Variants in FNDC11 observed in about 807,000 individuals in gnomAD.
FNDC11 encodes fibronectin type III domain-containing protein 11.
In FNDC11, 15 loss-of-function variants were observed where a neutral mutation model predicts 15.8. The ratio of observed to expected loss-of-function variants is 0.95; its 90% confidence interval spans 0.63 to 1.46. The LOEUF (loss-of-function observed/expected upper bound fraction) is 1.46, where lower values mean the gene tolerates loss of function less well. FNDC11 is among the 40% of genes most tolerant of loss of function. The pLI is 0.00. For missense variants in FNDC11, 416 were observed against 443.4 expected (o/e 0.94, Z 0.55); for synonymous variants, 190 against 203.1 (o/e 0.94, Z 0.55).
Position 63,556,168 on chromosome 20 carries a change from G to A in FNDC11, c.505G>A (p.Val169Ile), listed in dbSNP as rs749910389. The A allele has an allele frequency of 1.1e-4, 175 of 1,596,316 alleles. No homozygotes were observed. The highest frequency in any genetic ancestry group is 4.4e-4 in the Admixed American group (26 of 59,674). The change falls in exon 2 of 2, where the codon GTC becomes ATC. Residue 169 changes from valine to isoleucine, a missense_variant. By Grantham distance (29) the Val-to-Ile change is conservative. Transcript: ENST00000370097. ...GCGGCGGCTGGCGGACGTGTCGGCCGTCATGGACAGCTTCCTGACCATGAT... is the reference window on the plus strand; with the variant it reads ...GCGGCGGCTGGCGGACGTGTCGGCCATCATGGACAGCTTCCTGACCATGAT... ...VERRLADVSA[V>I]MDSFLTMMVP...
chr20:63,554,440 A>G (rs2082788177), intron 1 of FNDC11: 1 of 152,300 alleles, frequency 6.6e-6, no homozygotes, highest in African/African-American at 2.4e-5. Context: ...CGGGTTCACG[A>G]CCAGCCTCTC....
At chr20:63,555,543 A>G in intron 1 of FNDC11, 111 bp from the exon 2 acceptor site, 1 of 1,434,236 alleles carries the variant, frequency 7.0e-7, no homozygotes, top group Non-Finnish European at 9.2e-7. Context: ...GTGCCCCCGA[A>G]GAAGGACAGA....
Position 63,555,952 on chromosome 20 carries a change from A to C in FNDC11, c.289A>C (p.Ser97Arg). 1 of 1,603,070 alleles carries C rather than the reference A, an allele frequency of 6.2e-7. No homozygotes were observed. Among genetic ancestry groups the C allele is most frequent in the South Asian group, 1.1e-5 (1 of 91,080 alleles). Residue 97 changes from serine to arginine, a missense_variant, in exon 2 of 2, where the codon AGC becomes CGC. Ser to Arg is a moderately radical substitution (Grantham distance 110). Transcript: ENST00000370097. ...CGACCAGAACCCGCTGGTGCTGCCTAGCGCCTTGTTCCAGCTCATCGACCC... is the reference window on the plus strand; with the variant it reads ...CGACCAGAACCCGCTGGTGCTGCCTCGCGCCTTGTTCCAGCTCATCGACCC... Reference protein sequence around the residue: ...LGDQNPLVLPSALFQLIDPWK... With the variant: ...LGDQNPLVLPRALFQLIDPWK...
Position 63,556,201 on chromosome 20 carries a change from G to T in FNDC11, c.538G>T (p.Gly180Trp), listed in dbSNP as rs887091048. The change falls in exon 2 of 2, where the codon GGG becomes TGG. Residue 180 changes from glycine to tryptophan, a missense_variant. By Grantham distance (184) the Gly-to-Trp change is radical. Transcript: ENST00000370097. ...CAGCTTCCTGACCATGATGGTGCCG[G>T]GGCGGCTACACGTCAAGCACCGCCT... ...MDSFLTMMVP[G>W]RLHVKHRLVS... is the part of the protein sequence containing the mutation. The T allele has an allele frequency of 6.3e-7, 1 of 1,596,818 alleles. No individual in the cohort carries two copies. Among genetic ancestry groups the T allele is most frequent in the South Asian group, 1.1e-5 (1 of 90,060 alleles).
In FNDC11 at chr20:63,555,705, G is replaced by A. The variant is rs2082801155; in HGVS notation, c.42G>A (p.Lys14=). The A allele has an allele frequency of 6.2e-7, 1 of 1,612,420 alleles. No individual in the cohort carries two copies. The highest frequency in any genetic ancestry group is 1.1e-5 in the South Asian group (1 of 91,030). ...CAGGCCTGGGCCTGGACAAGATGAA[G>A]CTGGGCAATCCCCAGTCCTTCCTGG... The part of the protein sequence containing the change: ...HVAGLGLDKM[K]LGNPQSFLDQ... Residue 14 remains lysine (K), a synonymous_variant, in exon 2 of 2, where the codon AAG becomes AAA. Coordinates refer to ENST00000370097, the MANE Select transcript of FNDC11 (RefSeq NM_001319152.2).
At chr20:63,553,353 C>CCA (rs1379528127), upstream of FNDC11, among the ~76,000 whole-genome samples, 3 of 113,954 alleles carry the variant, frequency 2.6e-5, no homozygotes, top group African/African-American at 5.2e-5. Flanking sequence ...TGGGAGGAGC[C>CCA]TGTAGTGGGA....
chr20:63,553,877 A>G (rs1032702682), upstream of FNDC11: 2 of 151,958 alleles, frequency 1.3e-5, no homozygotes, highest in African/African-American at 4.8e-5. Context: ...CAGTCACCCG[A>G]GGCTCCTGCG....
chr20:63,555,398 C>T (rs2082798315), intron 1 of FNDC11: 6 of 500,064 alleles, frequency 1.2e-5, no homozygotes, highest in South Asian at 1.0e-4. Flanking sequence ...GCCAGAAGTC[C>T]GCAGTCCTAG....
chr20:63,555,275 C>A (rs2082797195), intron 1 of FNDC11: 1 of 214,876 alleles, frequency 4.7e-6, no homozygotes, highest in East Asian at 1.0e-4. Flanking sequence ...GGATCCTGTG[C>A]TGCTTAGGAC....
chr20:63,556,300 G>C lies in FNDC11; in HGVS notation c.637G>C (p.Asp213His). ...GAGCACCAAGATGCCTGTCGTGTTT[G>C]ACCGAAAGGCGTCGGCGGCTCACCA... ...MLSTKMPVVF[D>H]RKASAAHQDW... Residue 213 changes from aspartate to histidine, a missense_variant, in exon 2 of 2, where the codon GAC becomes CAC. By Grantham distance (81) the Asp-to-His change is moderately conservative. Transcript: ENST00000370097. The C allele has an allele frequency of 4.4e-6, 7 of 1,604,606 alleles. No homozygotes were observed. The highest frequency in any genetic ancestry group is 6.0e-6 in the Non-Finnish European group (7 of 1,173,012).
chr20:63,554,018 C>T (rs930569245), upstream of FNDC11: 2 of 152,186 alleles, frequency 1.3e-5, no homozygotes, highest in Non-Finnish European at 2.9e-5. Flanking sequence ...CGCGGGCCCC[C>T]AGAAGTCTGG....
rs2082817472 is a variant in FNDC11 at position 63,556,582 on chromosome 20, G to C, written c.919G>C (p.Glu307Gln). 5 of 1,613,100 alleles carry C rather than the reference G, an allele frequency of 3.1e-6. No homozygotes were observed. The highest frequency in any genetic ancestry group is 3.4e-6 in the Non-Finnish European group (4 of 1,179,944). ...CAGCCTCACCCTGCACACCAAGCCG[G>C]AGCCCCTGGAGGGGCCCGCCCTCAG... Reference protein sequence around the residue: ...RDSLTLHTKPEPLEGPALSHS... With the variant: ...RDSLTLHTKPQPLEGPALSHS... Residue 307 changes from glutamate to glutamine, a missense_variant, in exon 2 of 2, where the codon GAG becomes CAG. Glu to Gln is a conservative substitution (Grantham distance 29, BLOSUM62 2). Coordinates refer to ENST00000370097, the MANE Select transcript of FNDC11 (RefSeq NM_001319152.2).
In FNDC11 at chr20:63,556,020, C is replaced by G. The variant is rs1047473923; in HGVS notation, c.357C>G (p.Thr119=). ...TGAAGAAGGTGGGCACAGCTCAGAC[C>G]AAGATCCAGCTCCTGCTGCTCGGGG... ...QRMKKVGTAQ[T]KIQLLLLGDL... The change falls in exon 2 of 2, where the codon ACC becomes ACG. Residue 119 remains threonine, a synonymous_variant. Transcript: ENST00000370097. 8.1e-6 allele frequency: 13 copies of G among 1,600,082 alleles called. No individual in the cohort carries two copies. The highest frequency in any genetic ancestry group is 6.7e-5 in the East Asian group (3 of 44,894).
upstream of FNDC11, among the ~76,000 whole-genome samples, chr20:63,553,341 GGTGGGAGGAGCCTGTA>G (rs6147413): frequency 0.15 from 22,352 of 151,124 alleles, 3,741 homozygotes; most frequent in East Asian, 0.87. Flanking sequence ...AGGAGCCCAT[GGTGGGAGGAGCCTGTA>G]GTGGGAGGAG....
Position 63,555,657 on chromosome 20 carries a change from C to T in FNDC11, c.-7C>T. On this transcript the variant is annotated 5_prime_UTR_variant, in exon 2 of 2. Transcript: ENST00000370097. ...TGACACCCAGCCCTCCCCCCAGCTC[C>T]CGGATAATGAGCACCCATGTGGCAG... 1 of 1,596,512 alleles carries T rather than the reference C, an allele frequency of 6.3e-7. No individual in the cohort carries two copies. Among genetic ancestry groups the T allele is most frequent in the Non-Finnish European group, 8.6e-7 (1 of 1,168,820 alleles).
chr20:63,553,655 G>C (rs1233406289), upstream of FNDC11: 1 of 139,452 alleles, frequency 7.2e-6, no homozygotes. Flanking sequence ...GGTGGGGGGA[G>C]CCTGCGGTGG....
chr20:63,553,359 T>C (rs1404869752), upstream of FNDC11, among the ~76,000 whole-genome samples: 1 of 151,188 alleles, frequency 6.6e-6, no homozygotes, highest in Non-Finnish European at 1.5e-5. Flanking sequence ...GAGCCTGTAG[T>C]GGGAGGAGCC....
upstream of FNDC11, chr20:63,553,095 C>G (rs1009222737): frequency 7.9e-5 from 12 of 152,288 alleles, no homozygotes; most frequent in African/African-American, 2.9e-4. Context: ...CCAGCATCTT[C>G]CTGAAGGTGA....
rs563785888 is a variant in FNDC11, at chr20:63,555,607, A to G, written c.-10-47A>G. On this transcript the variant is annotated intron_variant, in intron 1 of 1. Coordinates refer to ENST00000370097, the MANE Select transcript of FNDC11 (RefSeq NM_001319152.2). Reference sequence around the variant, plus strand: ...CCATCCCCCGAACATGCCACAGCCCAGGGGAGGCCAGCCTGCCTGGCAGCT... The same window carrying G: ...CCATCCCCCGAACATGCCACAGCCCGGGGGAGGCCAGCCTGCCTGGCAGCT... 369 of 1,543,410 alleles carry G rather than the reference A, an allele frequency of 2.4e-4. 2 individuals carry two copies. The African/African-American group carries it at 4.5e-3, about 19-fold the overall frequency.
Sources: gnomAD v4.1 joint callset for allele counts (sites outside exome capture counted in the v4.1 genomes callset) on GRCh38, gnomAD v4.1.1 for gene constraint, MANE v1.5 for transcripts, NCBI Gene and HGNC (gene_info 2026-07-23, HGNC 2026-07-21) for gene names.